The following KRT35 variants were observed in gnomAD, a reference collection of about 807,000 sequenced individuals.
KRT35 encodes keratin 35, also known as keratin, type I cuticular Ha5.
KRT35 carries 33 observed loss-of-function variants against 42.2 expected under a neutral mutation model. The ratio of observed to expected loss-of-function variants is 0.78; its 90% confidence interval spans 0.59 to 1.05. The LOEUF (loss-of-function observed/expected upper bound fraction) is 1.05. KRT35 is among the 50% of genes least tolerant of loss of function. The probability of loss-of-function intolerance (pLI) is 0.00; values close to 1 mark genes in which losing one functional copy is unlikely to be tolerated. For synonymous variants in KRT35, 218 were observed against 238.2 expected (o/e 0.92, Z 0.78); for missense variants, 585 against 589.2 (o/e 0.99, Z 0.07).
At chr17:41,478,321 GCTT>G (rs1482736524) in intron 5 of KRT35, 37 bp downstream of exon 5, 3 of 1,601,510 alleles carry the variant, frequency 1.9e-6, no homozygotes, top group Non-Finnish European at 2.6e-6. Flanking sequence ...GTGCTCCTCG[GCTT>G]GGTCCAGAGG....
Position 41,480,806 on chromosome 17 carries a change from TC to T in KRT35, c.291del (p.Lys98ArgfsTer7). 1 of 1,614,174 alleles carries T rather than the reference TC, an allele frequency of 6.2e-7. No individual in the cohort carries two copies. The highest frequency in any genetic ancestry group is 8.5e-7 in the Non-Finnish European group (1 of 1,180,026). The part of the protein sequence containing the change: ...WFGEGILTGN[E>X]KETMQSLNDR... ...TCGTTCAGGGATTGCATGGTCTCCTTCTCATTGCCAGTGAGGATGCCCTCCC... is the reference window on the plus strand; with the variant it reads ...TCGTTCAGGGATTGCATGGTCTCCTTTCATTGCCAGTGAGGATGCCCTCCC... On this transcript the variant is annotated frameshift_variant, in exon 1 of 7. Coordinates refer to ENST00000246639, the MANE Select transcript of KRT35 (RefSeq NM_002280.6). LOFTEE classifies it high-confidence loss of function.
At chr17:41,479,632 T>C in intron 2 of KRT35, 67 bp downstream of exon 2, 4 of 1,571,780 alleles carry the variant, frequency 2.5e-6, no homozygotes, top group Non-Finnish European at 3.5e-6. Context: ...GCCAAAACCC[T>C]GAGCTCAGGC....
In KRT35 at chr17:41,478,852, T is replaced by C. The variant is rs535809871; in HGVS notation, c.855A>G (p.Glu285=). The change falls in exon 4 of 7, where the codon GAA becomes GAG. Residue 285 remains glutamate (E), a synonymous_variant. Transcript: ENST00000246639. ...TACCTACCTGGGTGTCCAACCAGTC[T>C]TCAGCATCCCGGCGGTTATTCTCCA... The part of the protein sequence containing the change: ...TLVENNRRDA[E]DWLDTQSEEL... 1 of 1,613,682 alleles carries C rather than the reference T, an allele frequency of 6.2e-7. No individual in the cohort carries two copies. Among genetic ancestry groups the C allele is most frequent in the African/African-American group, 1.3e-5 (1 of 74,996 alleles).
At position 41,476,955 on chromosome 17, in the gene KRT35, T is replaced by C; in HGVS notation, c.*101A>G. The stretch of plus-strand genomic sequence containing the variant: ...TTTCAGCCAGACCCTGGGCCTGGGC[T>C]CTGCGCGAAGAGAGGGGATTGGGCT... On this transcript the variant is annotated 3_prime_UTR_variant, in exon 7 of 7. Coordinates refer to ENST00000246639, the MANE Select transcript of KRT35 (RefSeq NM_002280.6). 1.7e-6 allele frequency: 2 copies of C among 1,194,882 alleles called. No homozygotes were observed. The highest frequency in any genetic ancestry group is 2.3e-6 in the Non-Finnish European group (2 of 858,614). The allele number at this position is 1,194,882 out of a possible 1,614,324, so 74.0% of individuals were successfully genotyped here.
rs753334653 is a variant in KRT35 at position 41,478,462 on chromosome 17, C to A, written c.898G>T (p.Val300Leu). Residue 300 changes from valine (V) to leucine (L), a missense_variant, in exon 5 of 7, where the codon GTG (valine) becomes TTG (leucine). Coordinates refer to ENST00000246639, the MANE Select transcript of KRT35 (RefSeq NM_002280.6). ...GACTGCAACTGCTCTGAGCTGGACA[C>A]CACCTGCTGGTTCAGCTCCTCACTC... The part of the protein sequence containing the change: ...TQSEELNQQV[V>L]SSSEQLQSCQ... The A allele has an allele frequency of 3.1e-6, 5 of 1,613,884 alleles. No individual in the cohort carries two copies. The Admixed American group carries it at 5.0e-5, about 16-fold the overall frequency.
At chr17:41,479,821 A>G in intron 1 of KRT35, 40 bp from the exon 2 acceptor site, 1 of 1,550,492 alleles carries the variant, frequency 6.4e-7, no homozygotes, top group African/African-American at 1.4e-5. Flanking sequence ...AAGAAAGGAC[A>G]TTCCACTTGT....
At chr17:41,477,293 C>T (rs892632188) in intron 6 of KRT35, 90 bp from the exon 7 acceptor site, 2 of 1,466,778 alleles carry the variant, frequency 1.4e-6, no homozygotes, top group Non-Finnish European at 1.9e-6. Context: ...CTGGGAAGCA[C>T]CCTAAAAACC....
chr17:41,477,735 C>T lies in KRT35; in HGVS notation c.1003G>A (p.Asp335Asn), dbSNP rs760908148. ...IELQAQHSMR[D>N]ALESTLAETE... ...TCTGCCAGGGTGGATTCCAAAGCAT[C>T]TCTCTGTGAGGGCAAGAGTTGTGTA... The change falls in exon 6 of 7, where the codon GAT becomes AAT. Residue 335 changes from aspartate (D) to asparagine (N), a missense_variant. Coordinates refer to ENST00000246639, the MANE Select transcript of KRT35 (RefSeq NM_002280.6). The T allele has an allele frequency of 6.2e-7, 1 of 1,613,578 alleles. No individual in the cohort carries two copies. Among genetic ancestry groups the T allele is most frequent in the Non-Finnish European group, 8.5e-7 (1 of 1,179,684 alleles).
At chr17:41,478,771 C>CA in intron 4 of KRT35, 63 bp downstream of exon 4, 1 of 1,495,356 alleles carries the variant, frequency 6.7e-7, no homozygotes, top group South Asian at 1.3e-5. Context: ...TTCAGAGCCC[C>CA]AGGGTCACTT....
chr17:41,478,973 T>G lies in KRT35; in HGVS notation c.734A>C (p.Gln245Pro). 6.2e-7 allele frequency: 1 copy of G among 1,613,660 alleles called. No individual in the cohort carries two copies. The highest frequency in any genetic ancestry group is 2.2e-5 in the East Asian group (1 of 44,882). Residue 245 changes from glutamine to proline, a missense_variant, in exon 4 of 7, where the codon CAA (glutamine) becomes CCA (proline). Physicochemically the swap from Gln to Pro is moderately conservative, Grantham distance 76. Coordinates refer to ENST00000246639, the MANE Select transcript of KRT35 (RefSeq NM_002280.6). ...CTCAACATTGAGGCGGTCACCAAGT[T>G]GGCAGCGCAGTGAGTTCACTTCCTA... is the stretch of plus-strand genomic sequence containing the variant. ...HEEEVNSLRC[Q>P]LGDRLNVEVD...
At position 41,476,871 on chromosome 17, in the gene KRT35, G is replaced by T. The variant is rs968232386; in HGVS notation, c.*185C>A. On this transcript the variant is annotated 3_prime_UTR_variant, in exon 7 of 7. Transcript: ENST00000246639. ...TGATGAGGAGTTGAGACCTTTGGGG[G>T]CAGCCGGCCTTTGTGACAGGCTCTG... The T allele has an allele frequency of 5.5e-6, 3 of 546,500 alleles. No homozygotes were observed. The highest frequency in any genetic ancestry group is 6.5e-5 in the East Asian group (2 of 30,858). 33.9% of individuals were successfully genotyped at this position (546,500 alleles called of 1,614,324 possible).
chr17:41,480,997 C>A lies in KRT35; in HGVS notation c.101G>T (p.Ser34Ile). 1 of 1,614,072 alleles carries A rather than the reference C, an allele frequency of 6.2e-7. No individual in the cohort carries two copies. The highest frequency in any genetic ancestry group is 8.5e-7 in the Non-Finnish European group (1 of 1,180,026). Residue 34 changes from serine to isoleucine, a missense_variant, in exon 1 of 7, where the codon AGC becomes ATC. Ser to Ile is a moderately radical substitution (Grantham distance 142). Coordinates refer to ENST00000246639, the MANE Select transcript of KRT35 (RefSeq NM_002280.6). ...GAGACTTGGAAGCTTGCAAGAGCTG[C>A]TGGAGTACATTGCGGACACACGAGT... is the stretch of plus-strand genomic sequence containing the variant. ...GSTRVSAMYS[S>I]SSCKLPSLSP...
In KRT35 at chr17:41,478,499, C is replaced by G; in HGVS notation, c.874-13G>C. On this transcript the variant is annotated splice_polypyrimidine_tract_variant and intron_variant, in intron 4 of 6. Transcript: ENST00000246639. ...TCAGCTCCTCACTCTGAAACATACACACACAGAACCTGGTCAGCCACACCA... is the reference window on the plus strand; with the variant it reads ...TCAGCTCCTCACTCTGAAACATACAGACACAGAACCTGGTCAGCCACACCA... 2 of 1,611,802 alleles carry G rather than the reference C, an allele frequency of 1.2e-6. No homozygotes were observed. The highest frequency in any genetic ancestry group is 1.7e-5 in the Admixed American group (1 of 59,894).
chr17:41,477,448 G>A, intron 6 of KRT35, 70 bp downstream of exon 6: 1 of 1,583,940 alleles, frequency 6.3e-7, no homozygotes, highest in Non-Finnish European at 8.6e-7. Flanking sequence ...CTCTTTCTAG[G>A]CACCATGCTG....
At chr17:41,480,118 C>A (rs1173542132) in intron 1 of KRT35, among the ~76,000 whole-genome samples, 1 of 152,216 alleles carries the variant, frequency 6.6e-6, no homozygotes, top group African/African-American at 2.4e-5. Context: ...CAACAACATA[C>A]CCCGGGATTC....
rs535002745 is a variant in KRT35 at position 41,477,752 on chromosome 17, A to G, written c.1000-14T>C. ...CAAAGCATCTCTCTGTGAGGGCAAG[A>G]GTTGTGTAGGGAGGAAAAAGGCTAG... is the stretch of plus-strand genomic sequence containing the variant. On this transcript the variant is annotated splice_polypyrimidine_tract_variant and intron_variant, in intron 5 of 6. Transcript: ENST00000246639. 6.2e-7 allele frequency: 1 copy of G among 1,610,480 alleles called. No homozygotes were observed. The highest frequency in any genetic ancestry group is 1.3e-5 in the African/African-American group (1 of 74,932).
At position 41,479,344 on chromosome 17, in the gene KRT35, C is replaced by T; in HGVS notation, c.711+3G>A. 1 of 1,613,508 alleles carries T rather than the reference C, an allele frequency of 6.2e-7. No homozygotes were observed. Among genetic ancestry groups the T allele is most frequent in the Non-Finnish European group, 8.5e-7 (1 of 1,179,796 alleles). ...CCGTGTTCACCTTTTCCCCCATGCT[C>T]ACCTCCTCATGGTTCTTCTTCAGGC... is the stretch of plus-strand genomic sequence containing the variant. On this transcript the variant is annotated splice_donor_region_variant and intron_variant, in intron 3 of 6. Coordinates refer to ENST00000246639, the MANE Select transcript of KRT35 (RefSeq NM_002280.6).
chr17:41,477,077 G>A lies in KRT35; in HGVS notation c.1347C>T (p.Pro449=), dbSNP rs1434743225. ...TNCSPRPICV[P]CPGGRF is the part of the protein sequence containing the mutation. ...GCTCTCAGAACCGACCCCCTGGGCA[G>A]GGCACACAAATGGGGCGGGGGCTGC... Residue 449 remains proline, a synonymous_variant, in exon 7 of 7, where the codon CCC becomes CCT. Coordinates refer to ENST00000246639, the MANE Select transcript of KRT35 (RefSeq NM_002280.6). The A allele has an allele frequency of 6.3e-7, 1 of 1,589,496 alleles. No homozygotes were observed. The highest frequency in any genetic ancestry group is 8.5e-7 in the Non-Finnish European group (1 of 1,170,510).
chr17:41,477,511 T>C lies in KRT35; in HGVS notation c.1220+7A>G. ...GAGAAGACAAGAGCACATGCAGTGA[T>C]ACTCACTTGCTGTCCTCACTCTCCA... On this transcript the variant is annotated splice_region_variant and intron_variant, in intron 6 of 6. Coordinates refer to ENST00000246639, the MANE Select transcript of KRT35 (RefSeq NM_002280.6). 6.2e-7 allele frequency: 1 copy of C among 1,612,908 alleles called. No individual in the cohort carries two copies. The highest frequency in any genetic ancestry group is 8.5e-7 in the Non-Finnish European group (1 of 1,179,912).
Sources: allele counts gnomAD v4.1 joint callset (sites outside exome capture counted in the v4.1 genomes callset), GRCh38; gene constraint gnomAD v4.1.1; transcripts MANE v1.5; gene names NCBI Gene and HGNC (gene_info 2026-07-23, HGNC 2026-07-21).